The following COX7B2 variants were observed in gnomAD, a reference collection of about 807,000 sequenced individuals.
COX7B2 encodes the protein cytochrome c oxidase subunit 7B2.
For missense variants in COX7B2, 109 were observed against 95.9 expected, an observed-to-expected ratio of 1.14 and a Z score of -0.57; for synonymous variants, 37 against 32.1, an observed-to-expected ratio of 1.15 and a Z score of -0.51.
chr4:46,823,044 T>C (rs1273591351), intron 2 of COX7B2, among the ~76,000 whole-genome samples: 1 of 152,058 alleles, frequency 6.6e-6, no homozygotes, highest in East Asian at 1.9e-4. Context: ...AATGTGCCAG[T>C]GTTACAGTGT....
chr4:46,762,451 AC>A (rs1395266718), intron 2 of COX7B2, among the ~76,000 whole-genome samples: 74 of 137,690 alleles, frequency 5.4e-4, no homozygotes, highest in Non-Finnish European at 1.1e-3. Context: ...GTATATATAT[AC>A]TATATATAGT....
At chr4:46,906,223 T>C (rs1720386915) in intron 1 of COX7B2, among the ~76,000 whole-genome samples, 1 of 152,192 alleles carries the variant, frequency 6.6e-6, no homozygotes, top group Non-Finnish European at 1.5e-5. Flanking sequence ...GAGGGTCTCC[T>C]CTCTCATCTA....
intron 1 of COX7B2, among the ~76,000 whole-genome samples, chr4:46,886,375 T>A (rs1424015952): frequency 6.6e-6 from 1 of 152,188 alleles, no homozygotes; most frequent in Non-Finnish European, 1.5e-5. Flanking sequence ...ACCTCAAACA[T>A]TCATCTTATC....
At chr4:46,856,171 G>C (rs1208527995) in intron 1 of COX7B2, among the ~76,000 whole-genome samples, 1 of 152,118 alleles carries the variant, frequency 6.6e-6, no homozygotes, top group African/African-American at 2.4e-5. Flanking sequence ...TTGAACCTGG[G>C]AAGTGGAGGT....
chr4:46,773,186 T>C (rs191913289), intron 2 of COX7B2, among the ~76,000 whole-genome samples: 1 of 152,304 alleles, frequency 6.6e-6, no homozygotes, highest in African/African-American at 2.4e-5. Context: ...TATAAGGTAG[T>C]ATCGTTTGAC....
intron 2 of COX7B2, among the ~76,000 whole-genome samples, chr4:46,799,360 C>A (rs750962116): frequency 6.6e-6 from 1 of 152,096 alleles, no homozygotes; most frequent in Non-Finnish European, 1.5e-5. Flanking sequence ...ATCTCTTTCT[C>A]TCCCCTTATT....
chr4:46,862,564 G>A (rs1321347929), intron 1 of COX7B2, among the ~76,000 whole-genome samples: 3 of 151,910 alleles, frequency 2.0e-5, no homozygotes, highest in Non-Finnish European at 4.4e-5. Context: ...AATAAAACTG[G>A]GTTTAAAATT....
chr4:46,875,838 A>T (rs1468942437), intron 1 of COX7B2, among the ~76,000 whole-genome samples: 2 of 151,874 alleles, frequency 1.3e-5, no homozygotes, highest in Non-Finnish European at 2.9e-5. Flanking sequence ...TCCAAGGCCA[A>T]CTGAAGTGTT....
chr4:46,851,340 A>C (rs1259065804), intron 1 of COX7B2, among the ~76,000 whole-genome samples: 2 of 152,090 alleles, frequency 1.3e-5, no homozygotes, highest in African/African-American at 4.8e-5. Context: ...ATTTAACATA[A>C]AACTAATTTC....
At chr4:46,885,186 C>T (rs1380375836) in intron 1 of COX7B2, among the ~76,000 whole-genome samples, 1 of 151,984 alleles carries the variant, frequency 6.6e-6, no homozygotes, top group African/African-American at 2.4e-5. Context: ...ACTCCTTTCA[C>T]AACATTTATT....
chr4:46,801,855 T>A (rs1718676243), intron 2 of COX7B2, among the ~76,000 whole-genome samples: 1 of 152,014 alleles, frequency 6.6e-6, no homozygotes, highest in East Asian at 1.9e-4. Context: ...AATCTCTAAA[T>A]CTCCAAGAAA....
chr4:46,739,265 A>G (rs1714556740), intron 2 of COX7B2, among the ~76,000 whole-genome samples: 1 of 152,072 alleles, frequency 6.6e-6, no homozygotes, highest in South Asian at 2.1e-4. Flanking sequence ...AATCCAACTA[A>G]TTCTTCAACC....
intron 2 of COX7B2, among the ~76,000 whole-genome samples, chr4:46,755,330 C>T (rs1179750167): frequency 6.6e-6 from 1 of 151,990 alleles, no homozygotes; most frequent in Non-Finnish European, 1.5e-5. Flanking sequence ...TCACAGCCAA[C>T]ATCATGCTTA....
intron 1 of COX7B2, among the ~76,000 whole-genome samples, chr4:46,886,509 A>G (rs1336179263): frequency 2.0e-5 from 3 of 152,134 alleles, no homozygotes; most frequent in Non-Finnish European, 2.9e-5. Context: ...TATCCAGCGT[A>G]TTTTCATACT....
intron 2 of COX7B2, among the ~76,000 whole-genome samples, chr4:46,759,238 C>A (rs191906859): frequency 3.3e-5 from 5 of 152,038 alleles, no homozygotes; most frequent in Admixed American, 3.3e-4. Flanking sequence ...GCACCAGAAG[C>A]AAAAACCGGA....
At chr4:46,864,694 G>T (rs982651301) in intron 1 of COX7B2, among the ~76,000 whole-genome samples, 1 of 151,004 alleles carries the variant, frequency 6.6e-6, no homozygotes, top group African/African-American at 2.4e-5. Flanking sequence ...GCCCAGGCTG[G>T]AGTGCAGTGG....
intron 2 of COX7B2, among the ~76,000 whole-genome samples, chr4:46,790,160 C>T (rs181783033): frequency 1.3e-5 from 2 of 152,172 alleles, no homozygotes; most frequent in African/African-American, 2.4e-5. Flanking sequence ...ACAGAAAAAT[C>T]TGAAGCAGGA....
At chr4:46,812,120 A>G (rs572776547) in intron 2 of COX7B2, among the ~76,000 whole-genome samples, 1 of 152,276 alleles carries the variant, frequency 6.6e-6, no homozygotes, top group East Asian at 1.9e-4. Context: ...ATACAGTAGC[A>G]CTGGAATATA....
At chr4:46,766,678 G>A (rs891533243) in intron 2 of COX7B2, among the ~76,000 whole-genome samples, 5 of 145,976 alleles carry the variant, frequency 3.4e-5, no homozygotes, top group Admixed American at 1.4e-4. Flanking sequence ...TCCAGCATGG[G>A]TGACAAAGAG....
Sources: allele counts gnomAD v4.1 joint callset (sites outside exome capture counted in the v4.1 genomes callset), GRCh38; gene constraint gnomAD v4.1.1; transcripts MANE v1.5; gene names NCBI Gene and HGNC (gene_info 2026-07-23, HGNC 2026-07-21).